NMBR: variants seen among roughly 807,000 people sequenced by gnomAD.
NMBR encodes the protein neuromedin B receptor, also known as neuromedin-B receptor.
NMBR carries 16 observed loss-of-function variants against 20.5 expected under a neutral mutation model. The observed-to-expected ratio is 0.78, with a 90% CI of 0.53 to 1.19. NMBR has a LOEUF of 1.19. NMBR is among the 50% of genes most tolerant of loss of function. The pLI, the probability that NMBR is intolerant of heterozygous loss-of-function variation, is 0.00. For synonymous variants in NMBR, 212 were observed against 196.6 expected (o/e 1.08, Z -0.65); for missense variants, 582 against 499.1 (o/e 1.17, Z -1.58).
Position 142,079,108 on chromosome 6 carries a change from A to AAGAGAG in NMBR, c.423-206_423-205insCTCTCT, listed in dbSNP as rs754275458. ...AGAAAGAGAGAAAGAGAGAGAGAGA[A>AAGAGAG]AGAAAGAAAGAAAGAAAGAAGAAAG... On this transcript the variant is annotated intron_variant, in intron 2 of 3. Transcript: ENST00000258042. Among the ~76,000 whole-genome samples, 811 of 112,246 alleles carry AAGAGAG rather than the reference A, an allele frequency of 7.2e-3. 23 individuals carry two copies. Among genetic ancestry groups the AAGAGAG allele is most frequent in the African/African-American group, 0.03 (738 of 24,710 alleles). The allele number at this position is 112,246 out of a possible 152,430, so 73.6% of individuals were successfully genotyped here.
intron 1 of NMBR, among the ~76,000 whole-genome samples, chr6:142,115,192 A>C (rs1383182357): frequency 6.6e-6 from 1 of 152,108 alleles, no homozygotes; most frequent in Non-Finnish European, 1.5e-5. Context: ...AAAATTTCAA[A>C]AAGTTTGCTT....
chr6:142,079,780 T>C (rs1003328300), intron 2 of NMBR, among the ~76,000 whole-genome samples: 1 of 152,184 alleles, frequency 6.6e-6, no homozygotes, highest in African/African-American at 2.4e-5. Flanking sequence ...TAGCTCAAAT[T>C]TATTTCATGT....
intron 1 of NMBR, among the ~76,000 whole-genome samples, chr6:142,089,795 T>C (rs1032301061): frequency 2.6e-5 from 4 of 152,340 alleles, no homozygotes; most frequent in African/African-American, 9.6e-5. Flanking sequence ...GATTAACATT[T>C]GGGTTCCTTA....
At chr6:142,094,223 C>T (rs1052846673) in intron 1 of NMBR, among the ~76,000 whole-genome samples, 2 of 151,958 alleles carry the variant, frequency 1.3e-5, no homozygotes, top group African/African-American at 4.8e-5. Context: ...GAAGTCCTTG[C>T]CCATGCCTAT....
intron 1 of NMBR, among the ~76,000 whole-genome samples, chr6:142,119,364 T>G (rs1777905688): frequency 6.6e-6 from 1 of 151,972 alleles, no homozygotes; most frequent in Non-Finnish European, 1.5e-5. Flanking sequence ...CTTGGCTTAT[T>G]ATACCAAGCC....
chr6:142,106,435 A>G (rs1257866919), intron 1 of NMBR, among the ~76,000 whole-genome samples: 1 of 152,230 alleles, frequency 6.6e-6, no homozygotes, highest in Non-Finnish European at 1.5e-5. Context: ...GTTTCTAATT[A>G]TATTTAACTG....
chr6:142,088,451 T>G lies in NMBR; in HGVS notation c.208A>C (p.Thr70Pro). The G allele has an allele frequency of 6.2e-7, 1 of 1,613,866 alleles. No individual in the cohort carries two copies. The highest frequency in any genetic ancestry group is 1.1e-5 in the South Asian group (1 of 91,046). The change falls in exon 2 of 4, where the codon ACC becomes CCC. Residue 70 changes from threonine (T) to proline (P), a missense_variant. Physicochemically the swap from Thr to Pro is conservative, Grantham distance 38. Transcript: ENST00000258042. ...GGGACGCTCCTCATGGCGCTGTTGG[T>G]GATGAAGATCTTCACCAGCATGATG... ...GNIMLVKIFI[T>P]NSAMRSVPNI...
chr6:142,100,939 A>G lies in NMBR; in HGVS notation c.-663-11618T>C, dbSNP rs190802797. Among the ~76,000 whole-genome samples, 400 of 152,316 alleles carry G rather than the reference A, an allele frequency of 2.6e-3. 2 individuals carry two copies. Among genetic ancestry groups the G allele is most frequent in the Non-Finnish European group, 4.1e-3 (280 of 68,028 alleles). On this transcript the variant is annotated intron_variant, in intron 1 of 3. Transcript: ENST00000258042. ...ATAAAAAGAGAATTGTATTTTCCAC[A>G]TGTCTGTTAAAAGAGAATTATTAGC...
At chr6:142,125,380 A>G (rs548449971) in intron 1 of NMBR, among the ~76,000 whole-genome samples, 1 of 116,126 alleles carries the variant, frequency 8.6e-6, no homozygotes, top group East Asian at 2.2e-4. Context: ...AATATAAATC[A>G]TCCTTTATTT....
At chr6:142,105,039 G>C (rs1354325310) in intron 1 of NMBR, among the ~76,000 whole-genome samples, 1 of 152,046 alleles carries the variant, frequency 6.6e-6, no homozygotes, top group East Asian at 1.9e-4. Context: ...TCTTAAGGGT[G>C]GGGGAGGATA....
At chr6:142,140,219 T>C (rs1440412741) in intron 1 of NMBR, among the ~76,000 whole-genome samples, 2 of 151,844 alleles carry the variant, frequency 1.3e-5, no homozygotes, top group Non-Finnish European at 2.9e-5. Flanking sequence ...CAAAATAAAA[T>C]AAATAAATCC....
chr6:142,079,150 G>GAAAGAAAA (rs1562390303), intron 2 of NMBR, among the ~76,000 whole-genome samples: 1,097 of 76,664 alleles, frequency 0.014, 28 homozygotes, highest in Admixed American at 0.058. Context: ...AGAAAAAGAA[G>GAAAGAAAA]AGAGGAGAGG....
chr6:142,146,317 A>T (rs1461076627), intron 1 of NMBR, among the ~76,000 whole-genome samples: 1 of 152,174 alleles, frequency 6.6e-6, no homozygotes, highest in Non-Finnish European at 1.5e-5. Context: ...GCTCTTGGGG[A>T]TAGTGTGATT....
chr6:142,078,903 C>T lies in NMBR; in HGVS notation c.423G>A (p.Arg141=), dbSNP rs777527367. The change falls in exon 3 of 4, where the codon AGG becomes AGA. Residue 141 remains arginine (R), a splice_region_variant and synonymous_variant. Coordinates refer to ENST00000258042, the MANE Select transcript of NMBR (RefSeq NM_002511.4). ...CCATGGGGTTAACGATGGCTCTGTA[C>T]CTGGGAAAATGATACATCTCAAGTT... ...VFTLTALSAD[R]YRAIVNPMDM... 2 of 1,572,848 alleles carry T rather than the reference C, an allele frequency of 1.3e-6. No homozygotes were observed. The highest frequency in any genetic ancestry group is 1.7e-6 in the Non-Finnish European group (2 of 1,157,960).
intron 1 of NMBR, chr6:142,133,768 A>C: frequency 1.9e-6 from 1 of 529,466 alleles, no homozygotes; most frequent in East Asian, 2.8e-5. Flanking sequence ...TACATTTTTT[A>C]AATGTGATAT....
intron 1 of NMBR, among the ~76,000 whole-genome samples, chr6:142,103,353 T>C (rs1452194687): frequency 1.3e-5 from 2 of 152,290 alleles, no homozygotes; most frequent in East Asian, 3.9e-4. Context: ...AAATTACAAT[T>C]GAATGAAATC....
At chr6:142,113,956 G>A (rs1777811721) in intron 1 of NMBR, among the ~76,000 whole-genome samples, 1 of 152,114 alleles carries the variant, frequency 6.6e-6, no homozygotes, top group African/African-American at 2.4e-5. Flanking sequence ...ATATTAATGT[G>A]TAACAGAAAT....
intron 1 of NMBR, among the ~76,000 whole-genome samples, chr6:142,111,603 GATT>G (rs1296417746): frequency 1.3e-5 from 2 of 152,040 alleles, no homozygotes; most frequent in African/African-American, 4.8e-5. Flanking sequence ...TTTCAAATAG[GATT>G]ATAAAAAAGT....
intron 2 of NMBR, among the ~76,000 whole-genome samples, chr6:142,083,301 G>T (rs1372614355): frequency 6.6e-6 from 1 of 152,126 alleles, no homozygotes; most frequent in Non-Finnish European, 1.5e-5. Flanking sequence ...AATTGGTTAT[G>T]GAAAGCAAAT....
Sources: gnomAD v4.1 joint callset for allele counts (sites outside exome capture counted in the v4.1 genomes callset) on GRCh38, gnomAD v4.1.1 for gene constraint, MANE v1.5 for transcripts, NCBI Gene and HGNC (gene_info 2026-07-23, HGNC 2026-07-21) for gene names.